ARHGEF33: variants seen among roughly 807,000 people sequenced by gnomAD.
ARHGEF33 encodes DH and coiled-coil domain-containing protein ENSP00000381780.
A neutral mutation model predicts 101.9 loss-of-function variants in ARHGEF33; 72 were observed. The observed-to-expected ratio is 0.71, with a 90% confidence interval of 0.58 to 0.86. The LOEUF (loss-of-function observed/expected upper bound fraction) is 0.86. Ranked by LOEUF, ARHGEF33 falls within the 40% of genes least tolerant of loss-of-function variation. ARHGEF33 has a pLI of 0.00. For missense variants in ARHGEF33, 1,169 were observed against 1,111.3 expected (o/e 1.05, Z -0.74); for synonymous variants, 499 against 442.5 (o/e 1.13, Z -1.60).
At chr2:38,925,043 T>C (rs1193988014) in intron 4 of ARHGEF33, among the ~76,000 whole-genome samples, 2 of 152,194 alleles carry the variant, frequency 1.3e-5, no homozygotes, top group Non-Finnish European at 2.9e-5. Context: ...TTTTGAAGGC[T>C]ACTGTAAATG....
intron 9 of ARHGEF33, among the ~76,000 whole-genome samples, chr2:38,938,339 G>T (rs1667207717): frequency 6.6e-6 from 1 of 152,070 alleles, no homozygotes; most frequent in African/African-American, 2.4e-5. Context: ...GTTGGAACCA[G>T]CCTGGGCAAC....
At chr2:38,963,507 G>T (rs1667990508) in intron 16 of ARHGEF33, among the ~76,000 whole-genome samples, 1 of 152,144 alleles carries the variant, frequency 6.6e-6, no homozygotes. Context: ...GCCTCCAGTT[G>T]TCTCAAAATA....
At chr2:38,910,982 A>G (rs574710719) in intron 2 of ARHGEF33, among the ~76,000 whole-genome samples, 1 of 152,208 alleles carries the variant, frequency 6.6e-6, no homozygotes, top group Non-Finnish European at 1.5e-5. Flanking sequence ...TGTATGAGCT[A>G]TGGCTTCCTT....
chr2:38,923,974 T>G (rs1244607042), intron 4 of ARHGEF33, among the ~76,000 whole-genome samples: 5 of 152,208 alleles, frequency 3.3e-5, no homozygotes, highest in Non-Finnish European at 7.4e-5. Context: ...CATTACAATT[T>G]AAACTATTTC....
chr2:38,909,497 T>C (rs1410536896), intron 2 of ARHGEF33, among the ~76,000 whole-genome samples: 1 of 150,010 alleles, frequency 6.7e-6, no homozygotes, highest in African/African-American at 2.4e-5. Context: ...AATTTCTTTT[T>C]TTTTTTTTTT....
rs751079168 is a variant in ARHGEF33, at chr2:38,919,467, A to G, written c.20A>G (p.Lys7Arg). Residue 7 changes from lysine to arginine, a missense_variant, in exon 3 of 18, where the codon AAG (lysine) becomes AGG (arginine). Lys to Arg is a conservative substitution (Grantham distance 26). Coordinates refer to ENST00000409978, the MANE Select transcript of ARHGEF33 (RefSeq NM_001145451.5). Reference protein sequence around the residue: MEKTKTKQGENEHMPVN... With the variant: MEKTKTRQGENEHMPVN... Reference sequence around the variant, plus strand: ...GGCACTATGGAAAAAACCAAAACAAAGCAAGGTCAGATTTTTCCTATGTCT... The same window carrying G: ...GGCACTATGGAAAAAACCAAAACAAGGCAAGGTCAGATTTTTCCTATGTCT... 1.3e-6 allele frequency: 2 copies of G among 1,551,878 alleles called. No homozygotes were observed. The highest frequency in any genetic ancestry group is 2.4e-5 in the South Asian group (2 of 84,060).
At chr2:38,906,887 G>A (rs1441023932) in intron 2 of ARHGEF33, among the ~76,000 whole-genome samples, 1 of 151,954 alleles carries the variant, frequency 6.6e-6, no homozygotes, top group Non-Finnish European at 1.5e-5. Context: ...GAGCCTGGGA[G>A]GTCAAGGCTG....
In ARHGEF33 at chr2:38,960,066, G is replaced by C; in HGVS notation, c.1761G>C (p.Pro587=). Residue 587 remains proline, a synonymous_variant, in exon 16 of 18, where the codon CCG becomes CCC. Coordinates refer to ENST00000409978, the MANE Select transcript of ARHGEF33 (RefSeq NM_001145451.5). The part of the protein sequence containing the change: ...EMDFESSPAE[P]LGNVERSLRA... ...ACTTCGAGTCCTCTCCGGCGGAGCCGCTGGGCAACGTGGAGCGCTCCCTGC... is the reference window on the plus strand; with the variant it reads ...ACTTCGAGTCCTCTCCGGCGGAGCCCCTGGGCAACGTGGAGCGCTCCCTGC... The C allele has an allele frequency of 2.6e-6, 4 of 1,541,962 alleles. No homozygotes were observed. The highest frequency in any genetic ancestry group is 2.0e-5 in the Admixed American group (1 of 50,764).
chr2:38,901,300 G>C (rs1479021229), intron 2 of ARHGEF33, among the ~76,000 whole-genome samples: 3 of 152,190 alleles, frequency 2.0e-5, no homozygotes, highest in Admixed American at 6.5e-5. Flanking sequence ...TAGCACCTCT[G>C]ATAAATTGGT....
intron 2 of ARHGEF33, among the ~76,000 whole-genome samples, chr2:38,899,093 A>T (rs1032160892): frequency 1.3e-5 from 2 of 151,614 alleles, no homozygotes; most frequent in Non-Finnish European, 2.9e-5. Flanking sequence ...GGTTTTTTTT[A>T]GGGAAAGAAA....
chr2:38,944,070 A>G (rs964394987), intron 10 of ARHGEF33, 40 bp downstream of exon 10: 1 of 1,521,410 alleles, frequency 6.6e-7, no homozygotes, highest in Non-Finnish European at 8.8e-7. Context: ...CAGATTGATT[A>G]GGATTTAAGG....
intron 4 of ARHGEF33, among the ~76,000 whole-genome samples, chr2:38,927,140 G>T (rs1387261093): frequency 6.6e-6 from 1 of 152,100 alleles, no homozygotes; most frequent in Non-Finnish European, 1.5e-5. Context: ...ATACTTGACA[G>T]GCCCTGCTTT....
chr2:38,929,815 G>T lies in ARHGEF33; in HGVS notation c.347G>T (p.Arg116Leu), dbSNP rs1317219611. The T allele has an allele frequency of 6.4e-7, 1 of 1,551,376 alleles. No individual in the cohort carries two copies. The highest frequency in any genetic ancestry group is 8.7e-7 in the Non-Finnish European group (1 of 1,146,782). The change falls in exon 6 of 18, where the codon CGA (arginine) becomes CTA (leucine). Residue 116 changes from arginine (R) to leucine (L), a missense_variant. Physicochemically the swap from Arg to Leu is moderately radical, Grantham distance 102. Transcript: ENST00000409978. ...QLQQEKRRESRKVKAKKTQKE... is the reference protein window; with the variant it reads ...QLQQEKRRESLKVKAKKTQKE... The stretch of plus-strand genomic sequence containing the variant: ...CAACAGGAGAAGCGAAGAGAATCTC[G>T]AAAAGTTAAAGCCAAGTGAGTGTCT...
chr2:38,912,324 G>A (rs1270211282), intron 2 of ARHGEF33, among the ~76,000 whole-genome samples: 1 of 152,214 alleles, frequency 6.6e-6, no homozygotes, highest in Non-Finnish European at 1.5e-5. Flanking sequence ...AGAATTACTA[G>A]GCTCAGAGTG....
chr2:38,912,375 G>A lies in ARHGEF33; in HGVS notation c.-85-6988G>A, dbSNP rs146455757. On this transcript the variant is annotated intron_variant, in intron 2 of 17. Transcript: ENST00000409978. ...AAAATGAAGAGCAGACTACAAGTGAGATCTCAAAGGGACTTTCATAATCAT... is the reference window on the plus strand; with the variant it reads ...AAAATGAAGAGCAGACTACAAGTGAAATCTCAAAGGGACTTTCATAATCAT... 2.9e-3 allele frequency among the ~76,000 whole-genome samples: 447 copies of A among 152,286 alleles called. 5 individuals are homozygous for A. The highest frequency in any genetic ancestry group is 9.7e-3 in the African/African-American group (402 of 41,554).
At chr2:38,895,467 A>C (rs1287898874) in intron 1 of ARHGEF33, among the ~76,000 whole-genome samples, 1 of 152,172 alleles carries the variant, frequency 6.6e-6, no homozygotes, top group Non-Finnish European at 1.5e-5. Context: ...AAAGCCCCCT[A>C]AGCCATGTTG....
At chr2:38,969,754 C>T (rs1170991287) in intron 17 of ARHGEF33, 1 of 152,176 alleles carries the variant, frequency 6.6e-6, no homozygotes, top group Non-Finnish European at 1.5e-5. Flanking sequence ...AGTGATTTTA[C>T]ACATTTTAAA....
At chr2:38,930,345 CT>C (rs1666968095) in intron 6 of ARHGEF33, among the ~76,000 whole-genome samples, 2 of 150,116 alleles carry the variant, frequency 1.3e-5, no homozygotes, top group African/African-American at 4.9e-5. Flanking sequence ...TTCCTTTTTT[CT>C]TTCTTTTCTT....
At chr2:38,954,268 AATG>A in intron 12 of ARHGEF33, 102 bp from the exon 13 acceptor site, 1 of 682,628 alleles carries the variant, frequency 1.5e-6, no homozygotes. Flanking sequence ...CTGGGAAGAA[AATG>A]CTCTGGGAGG....
Sources: allele counts gnomAD v4.1 joint callset (sites outside exome capture counted in the v4.1 genomes callset), GRCh38; gene constraint gnomAD v4.1.1; transcripts MANE v1.5; gene names NCBI Gene and HGNC (gene_info 2026-07-23, HGNC 2026-07-21).